Variants in NEXMIF observed in about 807,000 individuals in gnomAD.
NEXMIF encodes the protein XLMR protein related to neurite extension.
A neutral mutation model predicts 62.1 loss-of-function variants in NEXMIF; 8 were observed. The ratio of observed to expected loss-of-function variants is 0.13; its 90% CI spans 0.08 to 0.23. NEXMIF has a LOEUF of 0.23. Among genes scored for constraint, NEXMIF ranks in the 10% least tolerant of loss-of-function variants. The pLI is 1.00. For synonymous variants in NEXMIF, 404 were observed against 416.6 expected (o/e 0.97, Z 0.37); for missense variants, 976 against 1,113.3 (o/e 0.88, Z 1.75).
intron 1 of NEXMIF, among the ~76,000 whole-genome samples, chrX:74,885,595 A>C (rs1272589484): frequency 9.0e-6 from 1 of 111,700 alleles, no homozygotes; most frequent in Non-Finnish European, 1.9e-5. Context: ...AGACTAAACC[A>C]GGAAGAAGTT....
At chrX:74,817,803 C>A (rs2080380797) in intron 1 of NEXMIF, among the ~76,000 whole-genome samples, 1 of 111,474 alleles carries the variant, frequency 9.0e-6, no homozygotes, top group African/African-American at 3.3e-5. Context: ...ATTCTCTTTA[C>A]TTCTAGGTGA....
chrX:74,839,496 G>T (rs1375529585), intron 1 of NEXMIF, among the ~76,000 whole-genome samples: 1 of 111,696 alleles, frequency 9.0e-6, no homozygotes, highest in Non-Finnish European at 1.9e-5. Flanking sequence ...TTGTTTTACA[G>T]ATTATTTCAT....
intron 1 of NEXMIF, among the ~76,000 whole-genome samples, chrX:74,837,387 A>C (rs2080460693): frequency 8.9e-6 from 1 of 111,956 alleles, no homozygotes; most frequent in Non-Finnish European, 1.9e-5. Flanking sequence ...TGCCCCTCCC[A>C]ATAGTTTTAT....
At chrX:74,878,648 G>A (rs2080649261) in intron 1 of NEXMIF, among the ~76,000 whole-genome samples, 1 of 112,823 alleles carries the variant, frequency 8.9e-6, no homozygotes, top group African/African-American at 3.2e-5. Flanking sequence ...GGGACTCCGT[G>A]GGCGTAGGAT....
At chrX:74,797,603 G>A (rs2080316157) in intron 1 of NEXMIF, among the ~76,000 whole-genome samples, 1 of 111,666 alleles carries the variant, frequency 9.0e-6, no homozygotes, top group Non-Finnish European at 1.9e-5. Flanking sequence ...AAGTCAGAAG[G>A]TAACCATTAT....
At chrX:74,794,548 G>C (rs1476159109) in intron 1 of NEXMIF, among the ~76,000 whole-genome samples, 1 of 112,405 alleles carries the variant, frequency 8.9e-6, no homozygotes, top group East Asian at 2.8e-4. Flanking sequence ...ATCAAGCCTG[G>C]GCAATGGCGA....
chrX:74,786,729 A>C (rs1400416401), intron 1 of NEXMIF, among the ~76,000 whole-genome samples: 1 of 111,771 alleles, frequency 8.9e-6, no homozygotes, highest in Non-Finnish European at 1.9e-5. Flanking sequence ...AAAAAGGCAC[A>C]TATTGACTAA....
At chrX:74,839,320 G>T (rs1317391921) in intron 1 of NEXMIF, among the ~76,000 whole-genome samples, 3 of 111,799 alleles carry the variant, frequency 2.7e-5, no homozygotes, top group Non-Finnish European at 5.6e-5. Context: ...AGATATGAGA[G>T]AAATATCCCA....
At chrX:74,829,333 T>G (rs1380493511) in intron 1 of NEXMIF, among the ~76,000 whole-genome samples, 4 of 112,494 alleles carry the variant, frequency 3.6e-5, no homozygotes, top group African/African-American at 1.3e-4. Context: ...TTGATTTCAC[T>G]TAACAAAATG....
chrX:74,880,240 C>T (rs188208638), intron 1 of NEXMIF, among the ~76,000 whole-genome samples: 13 of 112,210 alleles, frequency 1.2e-4, no homozygotes, highest in African/African-American at 3.9e-4. Context: ...AGAAACTCCA[C>T]ACAAAGTCAG....
At chrX:74,772,119 T>A (rs1179806943) in intron 1 of NEXMIF, among the ~76,000 whole-genome samples, 2 of 112,091 alleles carry the variant, frequency 1.8e-5, no homozygotes, top group African/African-American at 6.5e-5. Flanking sequence ...CTCTAAGACA[T>A]TTTGTGGTGC....
intron 1 of NEXMIF, among the ~76,000 whole-genome samples, chrX:74,884,590 A>C (rs1426426628): frequency 1.8e-5 from 2 of 112,188 alleles, no homozygotes; most frequent in Non-Finnish European, 3.8e-5. Flanking sequence ...CAACAAGAAG[A>C]ACTAACTATC....
intron 1 of NEXMIF, among the ~76,000 whole-genome samples, chrX:74,862,369 A>G (rs754208755): frequency 9.0e-6 from 1 of 111,078 alleles, no homozygotes; most frequent in East Asian, 2.8e-4. Context: ...AAAGAGACTT[A>G]CACTCCCACA....
At chrX:74,907,901 C>T (rs998204696) in intron 1 of NEXMIF, among the ~76,000 whole-genome samples, 2 of 111,628 alleles carry the variant, frequency 1.8e-5, no homozygotes, top group Non-Finnish European at 3.8e-5. Flanking sequence ...TCTGACCTAT[C>T]ATCCACTGCT....
At chrX:74,837,238 A>G (rs2080460103) in intron 1 of NEXMIF, among the ~76,000 whole-genome samples, 1 of 111,467 alleles carries the variant, frequency 9.0e-6, no homozygotes, top group Non-Finnish European at 1.9e-5. Context: ...TCTTTCAACA[A>G]TATAAAGTCC....
chrX:74,781,419 G>A (rs976097446), intron 1 of NEXMIF, among the ~76,000 whole-genome samples: 5 of 109,157 alleles, frequency 4.6e-5, no homozygotes, highest in African/African-American at 1.6e-4. Flanking sequence ...AGGAAGAGTG[G>A]AGGGAGAGGT....
chrX:74,831,306 T>A (rs1033856864), intron 1 of NEXMIF, among the ~76,000 whole-genome samples: 8 of 109,486 alleles, frequency 7.3e-5, no homozygotes, highest in Admixed American at 4.9e-4. Flanking sequence ...ACTCGTCATT[T>A]AGCATTACGT....
intron 1 of NEXMIF, among the ~76,000 whole-genome samples, chrX:74,814,636 G>T (rs1400495358): frequency 9.0e-6 from 1 of 111,599 alleles, no homozygotes; most frequent in Non-Finnish European, 1.9e-5. Flanking sequence ...AACAATATAA[G>T]GAAGTATATG....
chrX:74,752,898 G>A (rs1164992500), intron 1 of NEXMIF, among the ~76,000 whole-genome samples: 3 of 111,594 alleles, frequency 2.7e-5, no homozygotes, highest in African/African-American at 9.8e-5. Context: ...TCTAAAGACA[G>A]TCACTTTCTC....
Sources: gnomAD v4.1 joint callset for allele counts (sites outside exome capture counted in the v4.1 genomes callset) on GRCh38, gnomAD v4.1.1 for gene constraint, MANE v1.5 for transcripts, NCBI Gene and HGNC (gene_info 2026-07-23, HGNC 2026-07-21) for gene names.